Variants in SEMA6D observed in about 807,000 individuals in gnomAD.
SEMA6D encodes the protein semaphorin-6D.
In SEMA6D, 35 loss-of-function variants were observed where a neutral mutation model predicts 106.6. The ratio of observed to expected loss-of-function variants is 0.33; its 90% CI spans 0.25 to 0.44. SEMA6D has a LOEUF of 0.44. SEMA6D is among the 20% of genes least tolerant of loss of function. SEMA6D has a pLI of 1.00. For missense variants in SEMA6D, 1,185 were observed against 1,345.9 expected, an observed-to-expected ratio of 0.88 and a Z score of 1.87; for synonymous variants, 499 against 487.7, an observed-to-expected ratio of 1.02 and a Z score of -0.31.
intron 1 of SEMA6D, among the ~76,000 whole-genome samples, chr15:47,407,406 C>CAAAAAAAAAA (rs1231097214): frequency 9.5e-6 from 1 of 105,810 alleles, no homozygotes; most frequent in Admixed American, 1.1e-4. Context: ...ACAACAACAA[C>CAAAAAAAAAA]AACAAAAAAA....
chr15:47,415,404 C>A (rs1330452230), intron 2 of SEMA6D, among the ~76,000 whole-genome samples: 1 of 152,064 alleles, frequency 6.6e-6, no homozygotes, highest in Non-Finnish European at 1.5e-5. Flanking sequence ...TGGGACTGAT[C>A]CTTGTGGTAA....
intron 1 of SEMA6D, among the ~76,000 whole-genome samples, chr15:47,239,272 A>G (rs2032754425): frequency 6.6e-6 from 1 of 152,160 alleles, no homozygotes; most frequent in African/African-American, 2.4e-5. Flanking sequence ...GTTGCAGGAA[A>G]ACAAGCTCAG....
intron 4 of SEMA6D, among the ~76,000 whole-genome samples, chr15:47,628,361 C>T (rs1214849689): frequency 6.6e-6 from 1 of 151,944 alleles, no homozygotes; most frequent in Non-Finnish European, 1.5e-5. Context: ...AATAGCTATA[C>T]CATTTTCTAT....
chr15:47,271,079 G>A (rs992401), intron 1 of SEMA6D, among the ~76,000 whole-genome samples: 150,841 of 152,326 alleles, frequency 0.99, 74,695 homozygotes, highest in Middle Eastern at 1. Flanking sequence ...TTGTGGTAAA[G>A]TCTATATTTA....
rs529948643 is a variant in SEMA6D at position 47,385,578 on chromosome 15, A to G, written c.-238-26815A>G. Among the ~76,000 whole-genome samples the G allele has an allele frequency of 3.9e-5, 6 of 152,280 alleles. No individual in the cohort carries two copies. The South Asian group carries it at 1.2e-3, about 32-fold the overall frequency. On this transcript the variant is annotated intron_variant, in intron 1 of 19. Coordinates refer to the SEMA6D transcript ENST00000558014. ...GTATCTGTGTGTTCATACGCATCTG[A>G]ACTCAAAGCGTACAGGTCCAGAGGT... is the stretch of plus-strand genomic sequence containing the variant.
chr15:47,206,223 A>C (rs754652077), intron 1 of SEMA6D, among the ~76,000 whole-genome samples: 7 of 152,210 alleles, frequency 4.6e-5, no homozygotes, highest in Non-Finnish European at 1.0e-4. Context: ...CTGAAAATCA[A>C]TATAAGGTAA....
intron 1 of SEMA6D, among the ~76,000 whole-genome samples, chr15:47,390,954 T>G (rs958803024): frequency 9.2e-5 from 14 of 152,186 alleles, no homozygotes. Context: ...AAGGTGCACA[T>G]GCAGCTGAAA....
At chr15:47,251,907 ATTTTTTTTTTTTT>A (rs994788645) in intron 1 of SEMA6D, among the ~76,000 whole-genome samples, 3 of 81,996 alleles carry the variant, frequency 3.7e-5, no homozygotes, top group Non-Finnish European at 2.3e-5. Flanking sequence ...TTCTAATTGG[ATTTTTTTTTTTTT>A]TTTTTTTTTT....
At chr15:47,279,024 G>A (rs1190235009) in intron 1 of SEMA6D, among the ~76,000 whole-genome samples, 14 of 128,452 alleles carry the variant, frequency 1.1e-4, no homozygotes, top group Admixed American at 9.4e-4. Flanking sequence ...TAGCCTTGTA[G>A]TATAGTTTGA....
chr15:47,487,575 C>A (rs1354468188), intron 3 of SEMA6D, among the ~76,000 whole-genome samples: 1 of 152,148 alleles, frequency 6.6e-6, no homozygotes, highest in African/African-American at 2.4e-5. Context: ...TTGCTAGTTT[C>A]CTTTATTTAA....
chr15:47,245,997 A>G (rs1240259150), intron 1 of SEMA6D, among the ~76,000 whole-genome samples: 1 of 152,162 alleles, frequency 6.6e-6, no homozygotes, highest in African/African-American at 2.4e-5. Flanking sequence ...CAGGGGTCAG[A>G]TGGTTTCTCA....
At chr15:47,558,650 C>G (rs1257513145) in intron 3 of SEMA6D, among the ~76,000 whole-genome samples, 1 of 151,990 alleles carries the variant, frequency 6.6e-6, no homozygotes, top group Non-Finnish European at 1.5e-5. Context: ...CTATCATATT[C>G]AATTCAATCT....
intron 1 of SEMA6D, among the ~76,000 whole-genome samples, chr15:47,342,450 C>G (rs918057516): frequency 6.6e-6 from 1 of 152,188 alleles, no homozygotes; most frequent in Non-Finnish European, 1.5e-5. Flanking sequence ...TTAAGATGTT[C>G]TGAGTGAATA....
intron 3 of SEMA6D, among the ~76,000 whole-genome samples, chr15:47,475,782 AT>A (rs2042985570): frequency 6.6e-6 from 1 of 152,178 alleles, no homozygotes; most frequent in Admixed American, 6.5e-5. Flanking sequence ...TAAAAAAATA[AT>A]TACTTTTTCC....
At position 47,722,551 on chromosome 15, in the gene SEMA6D, C is replaced by G. The variant is rs574916036; in HGVS notation, c.-55+4859C>G. 3.9e-5 allele frequency among the ~76,000 whole-genome samples: 6 copies of G among 152,202 alleles called. No homozygotes were observed. The South Asian group carries it at 1.2e-3, about 32-fold the overall frequency. Reference sequence around the variant, plus strand: ...AGCAAGAATAACATGAATTAGCTGGCTACATCTGTAGGTTATGTTGCCAGG... The same window carrying G: ...AGCAAGAATAACATGAATTAGCTGGGTACATCTGTAGGTTATGTTGCCAGG... On this transcript the variant is annotated intron_variant, in intron 1 of 18. Coordinates refer to ENST00000536845, the MANE Select transcript of SEMA6D (RefSeq NM_001358351.3).
At chr15:47,490,438 G>A (rs903722870) in intron 3 of SEMA6D, among the ~76,000 whole-genome samples, 1 of 152,118 alleles carries the variant, frequency 6.6e-6, no homozygotes, top group African/African-American at 2.4e-5. Flanking sequence ...AAGGTCAGGA[G>A]TTCAAGACCA....
chr15:47,245,084 C>G (rs866548397), intron 1 of SEMA6D, among the ~76,000 whole-genome samples: 1 of 149,452 alleles, frequency 6.7e-6, no homozygotes, highest in Non-Finnish European at 1.5e-5. Flanking sequence ...ACCACATTTT[C>G]TTTATCCAAT....
chr15:47,706,275 G>A (rs1025732450), intron 4 of SEMA6D, among the ~76,000 whole-genome samples: 1 of 152,174 alleles, frequency 6.6e-6, no homozygotes, highest in African/African-American at 2.4e-5. Flanking sequence ...CTAAATTACA[G>A]TTTTAATGAA....
At position 47,249,499 on chromosome 15, in the gene SEMA6D, C is replaced by G. The variant is rs768150181; in HGVS notation, c.-239+65081C>G. Among the ~76,000 whole-genome samples the G allele has an allele frequency of 5.3e-5, 8 of 151,610 alleles. No individual in the cohort carries two copies. In the South Asian group the frequency reaches 8.4e-4, roughly 16 times the overall value. On this transcript the variant is annotated intron_variant, in intron 1 of 19. Transcript: ENST00000558014. ...CCACCCCCCTACTCTCTACCCACCCCCCATGCTCCAAGAAGTTAAGGGAGA... is the reference window on the plus strand; with the variant it reads ...CCACCCCCCTACTCTCTACCCACCCGCCATGCTCCAAGAAGTTAAGGGAGA...
Sources: allele counts gnomAD v4.1 joint callset (sites outside exome capture counted in the v4.1 genomes callset), GRCh38; gene constraint gnomAD v4.1.1; transcripts MANE v1.5; gene names NCBI Gene and HGNC (gene_info 2026-07-23, HGNC 2026-07-21).